AKAP9: variants seen among roughly 807,000 people sequenced by gnomAD.
AKAP9 encodes A-kinase anchor protein 9.
A neutral mutation model predicts 488.5 loss-of-function variants in AKAP9; 311 were observed. That is an observed-to-expected ratio of 0.64 (90% CI 0.58 to 0.70). AKAP9 has a LOEUF of 0.70. Among genes scored for constraint, AKAP9 ranks in the 30% least tolerant of loss-of-function variants. AKAP9 has a pLI of 0.00. For missense variants in AKAP9, 4,215 were observed against 4,374.5 expected (o/e 0.96, Z 1.03); for synonymous variants, 1,462 against 1,483.5 (o/e 0.99, Z 0.33).
intron 21 of AKAP9, among the ~76,000 whole-genome samples, chr7:92,046,248 G>A (rs1434462387): frequency 6.6e-6 from 1 of 152,120 alleles, no homozygotes; most frequent in East Asian, 1.9e-4. Context: ...GAAAAGTTTT[G>A]TGAGATGGAG....
intron 14 of AKAP9, among the ~76,000 whole-genome samples, chr7:92,029,592 T>C (rs1322494206): frequency 6.6e-6 from 1 of 152,172 alleles, no homozygotes; most frequent in African/African-American, 2.4e-5. Flanking sequence ...GATCAACCTA[T>C]GTAACGTAGT....
At chr7:92,047,710 A>G (rs1462224776) in intron 21 of AKAP9, among the ~76,000 whole-genome samples, 1 of 152,218 alleles carries the variant, frequency 6.6e-6, no homozygotes, top group African/African-American at 2.4e-5. Context: ...AATCAACTAA[A>G]ACCTTTAAAA....
intron 1 of AKAP9, among the ~76,000 whole-genome samples, chr7:91,954,162 A>G (rs1461388807): frequency 6.6e-6 from 1 of 152,112 alleles, no homozygotes; most frequent in African/African-American, 2.4e-5. Context: ...CTTTCACAAT[A>G]TGTTATACTC....
intron 37 of AKAP9, 117 bp downstream of exon 37, chr7:92,086,533 T>C: frequency 1.3e-6 from 1 of 784,438 alleles, no homozygotes; most frequent in South Asian, 1.7e-5. Flanking sequence ...CTATGAATAT[T>C]TTAAAAAAAT....
intron 8 of AKAP9, among the ~76,000 whole-genome samples, chr7:92,007,404 G>A (rs576610505): frequency 2.0e-5 from 3 of 146,522 alleles, no homozygotes; most frequent in South Asian, 2.2e-4. Context: ...GGTGGCCTCC[G>A]CCATGCCTGG....
intron 3 of AKAP9, among the ~76,000 whole-genome samples, chr7:91,980,888 C>T (rs886172518): frequency 6.6e-6 from 1 of 151,826 alleles, no homozygotes; most frequent in Non-Finnish European, 1.5e-5. Context: ...ATTGTCATTT[C>T]TTTACTCCAG....
At chr7:91,955,220 C>CACTG (rs1792818225) in intron 1 of AKAP9, among the ~76,000 whole-genome samples, 2 of 152,098 alleles carry the variant, frequency 1.3e-5, no homozygotes, top group Non-Finnish European at 2.9e-5. Context: ...AAGCTATGAG[C>CACTG]ACTGACCAGT....
chr7:92,045,033 A>G lies in AKAP9; in HGVS notation c.5188A>G (p.Arg1730Gly). 1 of 1,613,024 alleles carries G rather than the reference A, an allele frequency of 6.2e-7. No homozygotes were observed. The change falls in exon 21 of 50, where the codon AGA (arginine) becomes GGA (glycine). Residue 1730 changes from arginine to glycine, a missense_variant. Around this residue, in one of 5 missense-constraint regions of AKAP9, gnomAD observed 2,361 missense variants for 2,430.0 expected, o/e 0.97. Coordinates refer to ENST00000356239, the MANE Select transcript of AKAP9 (RefSeq NM_005751.5). ...GTATGCACTCCAGAAAGCTAATAAT[A>G]GACTTTTGAAGATCCTCTTAGAAGT... ...ERYALQKANN[R>G]LLKILLEVVK...
At chr7:92,047,098 A>G (rs1281959776) in intron 21 of AKAP9, among the ~76,000 whole-genome samples, 1 of 152,244 alleles carries the variant, frequency 6.6e-6, no homozygotes, top group Non-Finnish European at 1.5e-5. Context: ...TTCATTTTCC[A>G]TGAGAAAGCA....
At chr7:91,974,966 T>G (rs1482684918) in intron 2 of AKAP9, among the ~76,000 whole-genome samples, 1 of 151,824 alleles carries the variant, frequency 6.6e-6, no homozygotes, top group Non-Finnish European at 1.5e-5. Context: ...TCCTCCCACC[T>G]CAGCCTCCTG....
intron 12 of AKAP9, among the ~76,000 whole-genome samples, chr7:92,021,012 T>C (rs563187748): frequency 6.6e-6 from 1 of 152,366 alleles, no homozygotes; most frequent in East Asian, 1.9e-4. Context: ...ATCTATCTTA[T>C]TTAACTAGCT....
Position 91,992,931 on chromosome 7 carries a change from A to T in AKAP9, c.452A>T (p.Gln151Leu). 1 of 1,614,120 alleles carries T rather than the reference A, an allele frequency of 6.2e-7. No homozygotes were observed. ...GATTCTTATTCTGAACAAGGAGCAC[A>T]AGACAGTCCGACTCATCTAGAGATG... Reference protein sequence around the residue: ...VDDSYSEQGAQDSPTHLEMME... With the variant: ...VDDSYSEQGALDSPTHLEMME... Residue 151 changes from glutamine (Q) to leucine (L), a missense_variant, in exon 5 of 50, where the codon CAA (glutamine) becomes CTA (leucine). Coordinates refer to ENST00000356239, the MANE Select transcript of AKAP9 (RefSeq NM_005751.5).
At position 91,981,129 on chromosome 7, in the gene AKAP9, C is replaced by T. The variant is rs565563002; in HGVS notation, c.351+796C>T. Among the ~76,000 whole-genome samples the T allele has an allele frequency of 4.6e-5, 7 of 152,200 alleles. No homozygotes were observed. In the South Asian group the frequency reaches 1.5e-3, roughly 32 times the overall value. On this transcript the variant is annotated intron_variant, in intron 3 of 49. Transcript: ENST00000356239. ...GTAATCTGGCCAGGAAAATAATTAGCCAACATTAAATAAACACATTGGTGC... is the reference window on the plus strand; with the variant it reads ...GTAATCTGGCCAGGAAAATAATTAGTCAACATTAAATAAACACATTGGTGC...
intron 1 of AKAP9, among the ~76,000 whole-genome samples, chr7:91,952,402 A>G (rs572393844): frequency 6.6e-6 from 1 of 152,344 alleles, no homozygotes; most frequent in South Asian, 2.1e-4. Flanking sequence ...ATAAAGAGAT[A>G]ATTATAAATA....
intron 16 of AKAP9, among the ~76,000 whole-genome samples, chr7:92,038,216 G>A (rs1805502901): frequency 6.6e-6 from 1 of 152,050 alleles, no homozygotes; most frequent in Admixed American, 6.6e-5. Context: ...AAAGTGGCAG[G>A]CAGTAAAATA....
chr7:92,055,271 A>G (rs1411941393), intron 22 of AKAP9, among the ~76,000 whole-genome samples: 1 of 152,054 alleles, frequency 6.6e-6, no homozygotes, highest in Non-Finnish European at 1.5e-5. Flanking sequence ...ATAAGTTAAG[A>G]TTTTGTTTTG....
At chr7:92,093,457 GA>G (rs1323843776) in intron 39 of AKAP9, 141 bp downstream of exon 39, 5 of 745,752 alleles carry the variant, frequency 6.7e-6, no homozygotes, top group Non-Finnish European at 1.1e-5. Flanking sequence ...AACTATAATA[GA>G]AAAAACTCTA....
chr7:92,035,558 A>G lies in AKAP9; in HGVS notation c.4339-2861A>G, dbSNP rs1436681758. Among the ~76,000 whole-genome samples, 6 of 152,194 alleles carry G rather than the reference A, an allele frequency of 3.9e-5. No individual in the cohort carries two copies. In the East Asian group the frequency reaches 1.2e-3, roughly 29 times the overall value. On this transcript the variant is annotated intron_variant, in intron 16 of 49. Transcript: ENST00000356239. Reference sequence around the variant, plus strand: ...TTTATGTTGTCTAATTTTGAATTGTATATTAAATGTTTTGTGTTTTGTATG... The same window carrying G: ...TTTATGTTGTCTAATTTTGAATTGTGTATTAAATGTTTTGTGTTTTGTATG...
At chr7:92,096,331 TTTG>T (rs1444952292) in intron 40 of AKAP9, among the ~76,000 whole-genome samples, 1 of 148,568 alleles carries the variant, frequency 6.7e-6, no homozygotes, top group African/African-American at 2.6e-5. Context: ...TGAAGTTTTT[TTTG>T]TTTTTTTTTT....
Sources: gnomAD v4.1 joint callset for allele counts (sites outside exome capture counted in the v4.1 genomes callset) on GRCh38, gnomAD v4.1.1 for gene constraint, gnomAD v4.1.1 regional missense constraint, MANE v1.5 for transcripts, NCBI Gene and HGNC (gene_info 2026-07-23, HGNC 2026-07-21) for gene names.